Variants in SNAP25 observed in about 807,000 individuals in gnomAD.
The protein encoded by SNAP25 is synaptosome associated protein 25, also known as synaptosomal-associated protein 25.
SNAP25 carries 3 observed loss-of-function variants against 28.7 expected under a neutral mutation model. That is an observed-to-expected ratio of 0.10 (90% CI 0.05 to 0.27). The LOEUF is 0.27. Among genes scored for constraint, SNAP25 ranks in the 10% least tolerant of loss-of-function variants. The probability of loss-of-function intolerance (pLI) is 1.00; values close to 1 mark genes in which losing one functional copy is unlikely to be tolerated. For synonymous variants in SNAP25, 61 were observed against 88.1 expected, an observed-to-expected ratio of 0.69 and a Z score of 1.72; for missense variants, 117 against 278.7, an observed-to-expected ratio of 0.42 and a Z score of 4.13.
Position 10,306,306 on chromosome 20 carries a change from C to A in SNAP25, c.*109C>A. On this transcript the variant is annotated 3_prime_UTR_variant, in exon 8 of 8. Coordinates refer to ENST00000254976, the MANE Select transcript of SNAP25 (RefSeq NM_130811.4). ...TGCACACATAACACACATCAGTCCACCCCCATTGTGAATGTTGTCCTGTGT... is the reference window on the plus strand; with the variant it reads ...TGCACACATAACACACATCAGTCCAACCCCATTGTGAATGTTGTCCTGTGT... 4.3e-6 allele frequency: 4 copies of A among 933,194 alleles called. No homozygotes were observed. Among genetic ancestry groups the A allele is most frequent in the Non-Finnish European group, 5.1e-6 (3 of 590,056 alleles). The allele number at this position is 933,194 out of a possible 1,614,324, so 57.8% of individuals were successfully genotyped here. A position where few individuals can be genotyped will look rare whatever the true frequency, so the allele number is the denominator to read the frequency against.
intron 3 of SNAP25, among the ~76,000 whole-genome samples, chr20:10,278,288 T>G (rs2063724915): frequency 6.6e-6 from 1 of 152,156 alleles, no homozygotes; most frequent in South Asian, 2.1e-4. Flanking sequence ...TACAGAAGCT[T>G]TTTTATATTC....
rs560782367 is a variant in SNAP25 at position 10,262,739 on chromosome 20, C to T, written c.-63-12690C>T. 5.9e-5 allele frequency among the ~76,000 whole-genome samples: 9 copies of T among 152,276 alleles called. No individual in the cohort carries two copies. The South Asian group carries it at 1.0e-3, about 18-fold the overall frequency. On this transcript the variant is annotated intron_variant, in intron 1 of 7. Coordinates refer to ENST00000254976, the MANE Select transcript of SNAP25 (RefSeq NM_130811.4). ...AGTTTGGAGAAGGACAGTGGGGACA[C>T]AAGGAAGCCAAGCCAAGGAGCCCTT...
At chr20:10,296,744 G>C in intron 5 of SNAP25, 181 bp from the exon 6 acceptor site, 1 of 702,904 alleles carries the variant, frequency 1.4e-6, no homozygotes, top group Non-Finnish European at 2.2e-6. Context: ...GTGAAATGTT[G>C]AGTAGCTGAG....
At chr20:10,254,930 G>A (rs1284530870) in intron 1 of SNAP25, among the ~76,000 whole-genome samples, 1 of 152,092 alleles carries the variant, frequency 6.6e-6, no homozygotes, top group East Asian at 1.9e-4. Context: ...CTTCAGCTCA[G>A]CCTCTATAGA....
chr20:10,253,468 G>GGGATGAT (rs2063265605), intron 1 of SNAP25, among the ~76,000 whole-genome samples: 1 of 152,142 alleles, frequency 6.6e-6, no homozygotes, highest in African/African-American at 2.4e-5. Context: ...CTATAAAATG[G>GGGATGAT]GGATGATGAA....
chr20:10,297,929 C>A (rs907753342), intron 6 of SNAP25, among the ~76,000 whole-genome samples: 1 of 151,870 alleles, frequency 6.6e-6, no homozygotes, highest in African/African-American at 2.4e-5. Flanking sequence ...GAATCAAAAG[C>A]CAATTTAAAT....
At chr20:10,267,743 G>T (rs1056914404) in intron 1 of SNAP25, among the ~76,000 whole-genome samples, 6 of 152,108 alleles carry the variant, frequency 3.9e-5, no homozygotes, top group African/African-American at 9.7e-5. Context: ...GTAGAAGCGG[G>T]GTTTCACCCT....
chr20:10,225,183 A>G (rs761998539), intron 1 of SNAP25, among the ~76,000 whole-genome samples: 10 of 151,870 alleles, frequency 6.6e-5, no homozygotes, highest in Non-Finnish European at 1.3e-4. Flanking sequence ...TACAATGTTG[A>G]TTAATTAAAT....
At chr20:10,243,042 G>T (rs1483859236) in intron 1 of SNAP25, among the ~76,000 whole-genome samples, 1 of 152,148 alleles carries the variant, frequency 6.6e-6, no homozygotes, top group Non-Finnish European at 1.5e-5. Flanking sequence ...TTCTGTGATG[G>T]CCACAGCTTT....
At chr20:10,292,767 G>A (rs527982433) in intron 4 of SNAP25, 21 of 709,408 alleles carry the variant, frequency 3.0e-5, no homozygotes, top group Non-Finnish European at 4.4e-5. Flanking sequence ...CATCCTCTTG[G>A]ACAATGCATT....
At chr20:10,304,257 A>G (rs2064303483) in intron 7 of SNAP25, among the ~76,000 whole-genome samples, 1 of 152,220 alleles carries the variant, frequency 6.6e-6, no homozygotes, top group Non-Finnish European at 1.5e-5. Flanking sequence ...TAATAATAGT[A>G]CACACTTTAT....
At chr20:10,277,215 T>G (rs1193373209) in intron 2 of SNAP25, among the ~76,000 whole-genome samples, 1 of 152,214 alleles carries the variant, frequency 6.6e-6, no homozygotes, top group Non-Finnish European at 1.5e-5. Flanking sequence ...AACAACTTAA[T>G]TTGTATTGAT....
At position 10,285,444 on chromosome 20, in the gene SNAP25, T is replaced by C. The variant is rs371376059; in HGVS notation, c.163+672T>C. On this transcript the variant is annotated intron_variant, in intron 4 of 7. Coordinates refer to ENST00000254976, the MANE Select transcript of SNAP25 (RefSeq NM_130811.4). ...CATCATTTTTCTTCATCTCAATGTA[T>C]CTAGCCCTATGGTGAGATTGTACAT... Among the ~76,000 whole-genome samples, 3 of 152,332 alleles carry C rather than the reference T, an allele frequency of 2.0e-5. 1 individual carries two copies. In the South Asian group the frequency reaches 6.2e-4, roughly 32 times the overall value.
chr20:10,239,808 G>A (rs1027237893), intron 1 of SNAP25, among the ~76,000 whole-genome samples: 2 of 152,092 alleles, frequency 1.3e-5, no homozygotes, highest in East Asian at 3.9e-4. Flanking sequence ...AATGTCCCAT[G>A]AGCCCTCCCT....
At chr20:10,253,541 T>C (rs2063266884) in intron 1 of SNAP25, among the ~76,000 whole-genome samples, 1 of 152,170 alleles carries the variant, frequency 6.6e-6, no homozygotes, top group African/African-American at 2.4e-5. Context: ...CCAGGATCTA[T>C]ACAGTGCTGG....
In SNAP25 at chr20:10,306,238, G is replaced by C; in HGVS notation, c.*41G>C. On this transcript the variant is annotated 3_prime_UTR_variant, in exon 8 of 8. Transcript: ENST00000254976. ...TTCTCCTCCAAATGCTGTCGGGCAA[G>C]ATAGCTCCTTCATGCTTTTCTCATG... 6.3e-7 allele frequency: 1 copy of C among 1,581,518 alleles called. No homozygotes were observed. The highest frequency in any genetic ancestry group is 2.2e-5 in the East Asian group (1 of 44,682).
intron 2 of SNAP25, among the ~76,000 whole-genome samples, chr20:10,277,469 C>A (rs536273188): frequency 6.6e-6 from 1 of 152,112 alleles, no homozygotes; most frequent in East Asian, 1.9e-4. Flanking sequence ...TGAAGATAAG[C>A]TGTAATGTAA....
At chr20:10,249,282 C>A (rs2063183446) in intron 1 of SNAP25, among the ~76,000 whole-genome samples, 1 of 152,136 alleles carries the variant, frequency 6.6e-6, no homozygotes, top group African/African-American at 2.4e-5. Flanking sequence ...AGCTGGGAAG[C>A]CCCATCGGTG....
intron 1 of SNAP25, among the ~76,000 whole-genome samples, chr20:10,255,048 A>G (rs1244616453): frequency 1.3e-5 from 2 of 152,190 alleles, no homozygotes; most frequent in African/African-American, 4.8e-5. Flanking sequence ...TTGAAATGAT[A>G]TAGAGGGATC....
Sources: allele counts gnomAD v4.1 joint callset (sites outside exome capture counted in the v4.1 genomes callset), GRCh38; gene constraint gnomAD v4.1.1; transcripts MANE v1.5; gene names NCBI Gene and HGNC (gene_info 2026-07-23, HGNC 2026-07-21).